Variants in GATAD2A observed in about 807,000 individuals in gnomAD.
The protein encoded by GATAD2A is GATA zinc finger domain containing 2A.
A neutral mutation model predicts 68.5 loss-of-function variants in GATAD2A; 12 were observed. The ratio of observed to expected loss-of-function variants is 0.18; its 90% confidence interval spans 0.11 to 0.28. The LOEUF (loss-of-function observed/expected upper bound fraction) is 0.28. GATAD2A is among the 10% of genes least tolerant of loss of function. The pLI, the probability that GATAD2A is intolerant of heterozygous loss-of-function variation, is 1.00. For missense variants in GATAD2A, 755 were observed against 868.5 expected (o/e 0.87, Z 1.64); for synonymous variants, 410 against 375.3 (o/e 1.09, Z -1.07).
chr19:19,451,132 T>G (rs1210534786), intron 1 of GATAD2A, among the ~76,000 whole-genome samples: 1 of 151,506 alleles, frequency 6.6e-6, no homozygotes, highest in African/African-American at 2.4e-5. Context: ...CCCAGCACCT[T>G]GTGAGTCTGA....
At chr19:19,423,148 A>G (rs2052635788) in intron 1 of GATAD2A, among the ~76,000 whole-genome samples, 1 of 152,262 alleles carries the variant, frequency 6.6e-6, no homozygotes, top group Admixed American at 6.5e-5. Context: ...CTGGGATTGC[A>G]GGTGCGCACC....
chr19:19,473,719 C>T (rs1453092656), intron 2 of GATAD2A, among the ~76,000 whole-genome samples: 1 of 149,490 alleles, frequency 6.7e-6, no homozygotes, highest in African/African-American at 2.5e-5. Flanking sequence ...GGGCAGATCA[C>T]GAGGTCAGGA....
rs757050188 is a variant in GATAD2A, at chr19:19,465,316, T to G, written c.-6-24T>G. Reference sequence around the variant, plus strand: ...ACCTTCATTGCACCCAGTTAAAATGTTGTGTCTTCTCCTCCCTCCCAAGTT... The same window carrying G: ...ACCTTCATTGCACCCAGTTAAAATGGTGTGTCTTCTCCTCCCTCCCAAGTT... On this transcript the variant is annotated intron_variant, in intron 1 of 11. Transcript: ENST00000683918. The G allele has an allele frequency of 2.5e-6, 4 of 1,593,900 alleles. No homozygotes were observed. In the East Asian group the frequency reaches 6.7e-5, roughly 27 times the overall value.
chr19:19,409,370 G>A (rs139000911), intron 1 of GATAD2A, among the ~76,000 whole-genome samples: 151 of 152,278 alleles, frequency 9.9e-4, no homozygotes, highest in African/African-American at 3.5e-3. Flanking sequence ...CAGCTGTCCT[G>A]GGGTAATAGA....
chr19:19,398,866 C>A (rs200058632), intron 1 of GATAD2A, among the ~76,000 whole-genome samples: 2 of 151,964 alleles, frequency 1.3e-5, no homozygotes, highest in East Asian at 3.9e-4. Flanking sequence ...TAAGACCAGC[C>A]TGGCCAACAT....
intron 2 of GATAD2A, among the ~76,000 whole-genome samples, chr19:19,479,869 A>G (rs910903470): frequency 1.7e-5 from 2 of 119,952 alleles, no homozygotes; most frequent in African/African-American, 6.7e-5. Context: ...ATGGAGTCTC[A>G]CTGCGTTACC....
intron 11 of GATAD2A, among the ~76,000 whole-genome samples, chr19:19,502,908 T>C (rs928099615): frequency 4.6e-5 from 7 of 152,200 alleles, no homozygotes; most frequent in African/African-American, 1.4e-4. Context: ...TTTCTGTCAT[T>C]GTGCCATCCA....
chr19:19,430,846 C>T (rs912608735), intron 1 of GATAD2A, among the ~76,000 whole-genome samples: 2 of 152,136 alleles, frequency 1.3e-5, no homozygotes, highest in Admixed American at 1.3e-4. Context: ...GATAAAATGG[C>T]AAGAAAGGAC....
chr19:19,479,403 C>A (rs1034091232), intron 2 of GATAD2A, among the ~76,000 whole-genome samples: 3 of 152,154 alleles, frequency 2.0e-5, no homozygotes, highest in African/African-American at 7.2e-5. Context: ...TTATTTTAAC[C>A]GAGTTCATAC....
intron 8 of GATAD2A, among the ~76,000 whole-genome samples, chr19:19,499,759 C>G (rs2060396465): frequency 6.6e-6 from 1 of 152,194 alleles, no homozygotes; most frequent in Admixed American, 6.5e-5. Context: ...TGTAGAGTTG[C>G]TTGTAACCCA....
rs569212922 is a variant in GATAD2A at position 19,484,034 on chromosome 19, T to C, written c.270-8272T>C. Among the ~76,000 whole-genome samples the C allele has an allele frequency of 8.5e-5, 13 of 152,120 alleles. No homozygotes were observed. In the East Asian group the frequency reaches 2.5e-3, roughly 29 times the overall value. On this transcript the variant is annotated intron_variant, in intron 2 of 11. Coordinates refer to ENST00000683918, the MANE Select transcript of GATAD2A (RefSeq NM_001384528.1). The stretch of plus-strand genomic sequence containing the variant: ...CACCCCTTGGGAAAGGAGGGAGGAC[T>C]GCGTGGGGTCCCAGTGAGCAGCCCC...
At chr19:19,387,326 CT>C (rs951795732) in intron 1 of GATAD2A, among the ~76,000 whole-genome samples, 49 of 144,312 alleles carry the variant, frequency 3.4e-4, no homozygotes, top group Admixed American at 4.1e-4. Context: ...GTCCCCCTTT[CT>C]TTTTTTTTTT....
intron 1 of GATAD2A, among the ~76,000 whole-genome samples, chr19:19,392,756 G>A (rs2048942152): frequency 6.6e-6 from 1 of 150,718 alleles, no homozygotes; most frequent in Non-Finnish European, 1.5e-5. Flanking sequence ...GAGTGTAGTG[G>A]CACAATCTTG....
At chr19:19,387,276 A>C (rs1450378824) in intron 1 of GATAD2A, among the ~76,000 whole-genome samples, 42 of 126,570 alleles carry the variant, frequency 3.3e-4, no homozygotes, top group East Asian at 6.9e-4. Flanking sequence ...GGATCTCCCC[A>C]CCCCCACCTC....
chr19:19,498,479 T>A lies in GATAD2A; in HGVS notation c.961T>A (p.Ser321Thr), dbSNP rs369189401. The A allele has an allele frequency of 9.9e-6, 16 of 1,612,396 alleles. No individual in the cohort carries two copies. The African/African-American group carries it at 2.0e-4, about 20-fold the overall frequency. ...ATCACTGAAGGGGACAACAGCCACC[T>A]CCGCTCAGGCCAACTCCACCCCCAC... ...PASLKGTTAT[S>T]AQANSTPTSV... The change falls in exon 8 of 12, where the codon TCC (serine) becomes ACC (threonine). Residue 321 changes from serine (S) to threonine (T), a missense_variant. Physicochemically the swap from Ser to Thr is moderately conservative, Grantham distance 58. Transcript: ENST00000683918.
upstream of GATAD2A, among the ~76,000 whole-genome samples, chr19:19,403,415 C>T (rs534578426): frequency 1.6e-4 from 24 of 152,280 alleles, no homozygotes; most frequent in Middle Eastern, 6.8e-3. Flanking sequence ...TTTCACCCCA[C>T]CTACATACCC....
intron 1 of GATAD2A, chr19:19,457,250 G>C: frequency 1.0e-6 from 1 of 985,296 alleles, no homozygotes; most frequent in African/African-American, 1.7e-5. Context: ...GGGACATTCT[G>C]AGGGCTCATA....
intron 1 of GATAD2A, among the ~76,000 whole-genome samples, chr19:19,457,843 C>T (rs1014812271): frequency 1.3e-5 from 2 of 152,062 alleles, no homozygotes; most frequent in Admixed American, 6.5e-5. Context: ...TCAGACCTAG[C>T]CTGGACTTTC....
At chr19:19,405,111 G>C (rs961313175), upstream of GATAD2A, among the ~76,000 whole-genome samples, 5 of 152,106 alleles carry the variant, frequency 3.3e-5, no homozygotes, top group African/African-American at 1.2e-4. Flanking sequence ...GGGCAGATTG[G>C]GAGGTAACTG....
Sources: allele counts gnomAD v4.1 joint callset (sites outside exome capture counted in the v4.1 genomes callset), GRCh38; gene constraint gnomAD v4.1.1; transcripts MANE v1.5; gene names NCBI Gene and HGNC (gene_info 2026-07-23, HGNC 2026-07-21).